SLC9A9: variants seen among roughly 807,000 people sequenced by gnomAD.
The protein encoded by SLC9A9 is solute carrier family 9 member A9.
SLC9A9 carries 62 observed loss-of-function variants against 77.8 expected under a neutral mutation model. The observed-to-expected ratio is 0.80, with a 90% CI of 0.65 to 0.98. SLC9A9 has a LOEUF of 0.98. SLC9A9 is among the 50% of genes least tolerant of loss of function. The probability of loss-of-function intolerance (pLI) is 0.00; values close to 1 mark genes in which losing one functional copy is unlikely to be tolerated. For synonymous variants in SLC9A9, 320 were observed against 283.5 expected (o/e 1.13, Z -1.29); for missense variants, 775 against 774.9 (o/e 1.00, Z 0.00).
chr3:143,397,064 T>A (rs2033747119), intron 12 of SLC9A9, among the ~76,000 whole-genome samples: 1 of 152,246 alleles, frequency 6.6e-6, no homozygotes, highest in South Asian at 2.1e-4. Flanking sequence ...TTTGAAGTAC[T>A]TAGCTCTGCC....
intron 12 of SLC9A9, among the ~76,000 whole-genome samples, chr3:143,389,734 C>A (rs1383608383): frequency 6.6e-6 from 1 of 152,090 alleles, no homozygotes; most frequent in Non-Finnish European, 1.5e-5. Flanking sequence ...AAGGTAAAGT[C>A]TAAGAATAAG....
chr3:143,453,516 T>C (rs1459454388), intron 12 of SLC9A9, among the ~76,000 whole-genome samples: 1 of 152,146 alleles, frequency 6.6e-6, no homozygotes, highest in African/African-American at 2.4e-5. Flanking sequence ...TATCAGGACA[T>C]CTATTAACAT....
chr3:143,475,988 A>C (rs2035470381), intron 11 of SLC9A9, among the ~76,000 whole-genome samples: 1 of 151,630 alleles, frequency 6.6e-6, no homozygotes, highest in African/African-American at 2.4e-5. Flanking sequence ...AAATACTCTG[A>C]AGAAGTTGAT....
At chr3:143,412,119 C>G (rs1400474821) in intron 12 of SLC9A9, among the ~76,000 whole-genome samples, 1 of 152,120 alleles carries the variant, frequency 6.6e-6, no homozygotes, top group African/African-American at 2.4e-5. Flanking sequence ...GACAGATGAG[C>G]TCCTTCAGGG....
At chr3:143,655,657 C>T in intron 5 of SLC9A9, 1 of 975,696 alleles carries the variant, frequency 1.0e-6, no homozygotes, top group Non-Finnish European at 1.2e-6. Flanking sequence ...TGATCTTATG[C>T]TCAAGGAGAT....
chr3:143,370,907 G>T (rs1338710910), intron 13 of SLC9A9, among the ~76,000 whole-genome samples: 4 of 152,006 alleles, frequency 2.6e-5, no homozygotes, highest in Non-Finnish European at 2.9e-5. Flanking sequence ...GAAATGAGGT[G>T]AGCCCTCTAC....
rs527547604 is a variant in SLC9A9 at position 143,729,306 on chromosome 3, A to T, written c.534-35999T>A. 3.9e-5 allele frequency among the ~76,000 whole-genome samples: 6 copies of T among 152,340 alleles called. No individual in the cohort carries two copies. In the South Asian group the frequency reaches 1.2e-3, roughly 32 times the overall value. On this transcript the variant is annotated intron_variant, in intron 4 of 15. Coordinates refer to ENST00000316549, the MANE Select transcript of SLC9A9 (RefSeq NM_173653.4). ...ATCCAGACTCTTCTACATTTCAGCC[A>T]TGAAGTCTTGGAAAAATTACTTGAC...
intron 2 of SLC9A9, among the ~76,000 whole-genome samples, chr3:143,807,134 G>C (rs1186092489): frequency 2.0e-5 from 3 of 152,188 alleles, no homozygotes; most frequent in Admixed American, 2.0e-4. Flanking sequence ...CACGCACAGA[G>C]ATCTGAGGTA....
At chr3:143,614,261 T>C (rs76212646) in intron 6 of SLC9A9, among the ~76,000 whole-genome samples, 2,086 of 152,306 alleles carry the variant, frequency 0.014, 43 homozygotes, top group African/African-American at 0.047. Context: ...TCTACACAGG[T>C]TGTGTACTCA....
At chr3:143,397,454 T>G (rs1168337592) in intron 12 of SLC9A9, among the ~76,000 whole-genome samples, 1 of 152,216 alleles carries the variant, frequency 6.6e-6, no homozygotes, top group Non-Finnish European at 1.5e-5. Flanking sequence ...CTTTATATGT[T>G]GGTATGAAAC....
chr3:143,481,357 A>C (rs2035570561), intron 11 of SLC9A9, among the ~76,000 whole-genome samples: 1 of 152,204 alleles, frequency 6.6e-6, no homozygotes. Flanking sequence ...AAACAAATAA[A>C]GTGAGTGAGG....
At chr3:143,811,054 C>T (rs11719982) in intron 2 of SLC9A9, among the ~76,000 whole-genome samples, 29,501 of 152,056 alleles carry the variant, frequency 0.19, 3,105 homozygotes, top group South Asian at 0.32. Context: ...CCATGCTCTC[C>T]TGCCTCCCCC....
intron 4 of SLC9A9, among the ~76,000 whole-genome samples, chr3:143,767,996 A>C (rs2007380276): frequency 1.3e-5 from 2 of 152,216 alleles, no homozygotes. Context: ...CAAGGCAATT[A>C]AAGGTAAATA....
At chr3:143,714,094 C>CAGG (rs1227317031) in intron 4 of SLC9A9, among the ~76,000 whole-genome samples, 1 of 152,162 alleles carries the variant, frequency 6.6e-6, no homozygotes, top group Admixed American at 6.5e-5. Context: ...TCAACCTTCC[C>CAGG]AGGACATAGA....
chr3:143,404,923 G>A lies in SLC9A9; in HGVS notation c.1470-22809C>T, dbSNP rs373782404. 7.2e-5 allele frequency among the ~76,000 whole-genome samples: 11 copies of A among 152,154 alleles called. No individual in the cohort carries two copies. In the East Asian group the frequency reaches 7.7e-4, roughly 11 times the overall value. ...ATCAGCGTAGCTTAATGTTCAGTTC[G>A]TGTTATTTTGGTCATAAGTTATGCT... On this transcript the variant is annotated intron_variant, in intron 12 of 15. Transcript: ENST00000316549.
chr3:143,483,178 G>A (rs995272263), intron 11 of SLC9A9, among the ~76,000 whole-genome samples: 2 of 152,174 alleles, frequency 1.3e-5, no homozygotes. Context: ...GTTCCTAGTC[G>A]TCATGTGTGT....
intron 4 of SLC9A9, among the ~76,000 whole-genome samples, chr3:143,790,450 A>G (rs959921335): frequency 3.9e-5 from 6 of 152,238 alleles, no homozygotes; most frequent in African/African-American, 1.4e-4. Context: ...CCATAATGAT[A>G]AATGTAAGAA....
chr3:143,532,038 A>G (rs1314833984), intron 9 of SLC9A9, among the ~76,000 whole-genome samples: 1 of 152,242 alleles, frequency 6.6e-6, no homozygotes, highest in Non-Finnish European at 1.5e-5. Context: ...CCAGAAATAA[A>G]AGAAATTTGC....
chr3:143,288,404 T>G (rs1938441143), intron 14 of SLC9A9, among the ~76,000 whole-genome samples: 1 of 152,198 alleles, frequency 6.6e-6, no homozygotes, highest in African/African-American at 2.4e-5. Flanking sequence ...TTTTAGGATC[T>G]CTTTAAAAGA....
Sources: allele counts gnomAD v4.1 joint callset (sites outside exome capture counted in the v4.1 genomes callset), GRCh38; gene constraint gnomAD v4.1.1; transcripts MANE v1.5; gene names NCBI Gene and HGNC (gene_info 2026-07-23, HGNC 2026-07-21).